The following FOXP1 variants were observed in gnomAD, a reference collection of about 807,000 sequenced individuals.
The protein encoded by FOXP1 is forkhead box protein P1.
A neutral mutation model predicts 98.2 loss-of-function variants in FOXP1; 15 were observed. The ratio of observed to expected loss-of-function variants is 0.15; its 90% CI spans 0.10 to 0.24. The LOEUF is 0.24. Ranked by LOEUF, FOXP1 falls within the 10% of genes least tolerant of loss-of-function variation. FOXP1 has a pLI of 1.00. For missense variants in FOXP1, 633 were observed against 848.5 expected, an observed-to-expected ratio of 0.75 and a Z score of 3.15; for synonymous variants, 371 against 314.5, an observed-to-expected ratio of 1.18 and a Z score of -1.90.
intron 3 of FOXP1, among the ~76,000 whole-genome samples, chr3:71,452,516 AT>A (rs1172751280): frequency 3.3e-5 from 5 of 152,126 alleles, no homozygotes; most frequent in Non-Finnish European, 7.4e-5. Flanking sequence ...ACATAATTTT[AT>A]TTTCTCTGGG....
chr3:71,545,505 T>A lies in FOXP1; in HGVS notation c.-298+36044A>T, dbSNP rs1026114722. Among the ~76,000 whole-genome samples the A allele has an allele frequency of 7.9e-5, 12 of 152,274 alleles. No homozygotes were observed. The South Asian group carries it at 2.1e-3, about 26-fold the overall frequency. ...ACACTTAGGGTAAATATTGATGGGG[T>A]TTTGTTTGTTTTTAAAAATACACAT... On this transcript the variant is annotated intron_variant, in intron 2 of 20. Transcript: ENST00000649528.
chr3:71,535,764 C>T (rs768673121), intron 2 of FOXP1, among the ~76,000 whole-genome samples: 3 of 152,120 alleles, frequency 2.0e-5, no homozygotes, highest in Admixed American at 1.3e-4. Flanking sequence ...TTAGAGAACT[C>T]TGTTCAGGCT....
intron 7 of FOXP1, among the ~76,000 whole-genome samples, chr3:71,061,788 TA>T (rs1347438138): frequency 6.6e-6 from 1 of 152,190 alleles, no homozygotes; most frequent in Non-Finnish European, 1.5e-5. Context: ...CATCTACAAC[TA>T]AACCACATAA....
At chr3:71,051,439 A>G (rs2049878769) in intron 9 of FOXP1, among the ~76,000 whole-genome samples, 1 of 152,104 alleles carries the variant, frequency 6.6e-6, no homozygotes, top group Non-Finnish European at 1.5e-5. Flanking sequence ...CAGCAAAGGG[A>G]GAATGTCTGG....
intron 7 of FOXP1, among the ~76,000 whole-genome samples, chr3:71,111,515 A>G (rs1002436677): frequency 2.0e-5 from 3 of 152,156 alleles, no homozygotes; most frequent in Non-Finnish European, 4.4e-5. Context: ...CTCCTGCCTC[A>G]GCCTCCCTAG....
intron 2 of FOXP1, among the ~76,000 whole-genome samples, chr3:71,511,229 G>T (rs970843134): frequency 6.6e-6 from 1 of 152,126 alleles, no homozygotes; most frequent in South Asian, 2.1e-4. Flanking sequence ...GCAGAGCCCC[G>T]GGACCCTGCT....
intron 7 of FOXP1, among the ~76,000 whole-genome samples, chr3:71,057,620 T>C (rs1433612613): frequency 4.6e-5 from 7 of 152,034 alleles, no homozygotes. Flanking sequence ...GGATCAGAAA[T>C]TCAAATTAAA....
intron 5 of FOXP1, among the ~76,000 whole-genome samples, chr3:71,278,963 G>A (rs182809496): frequency 1.5e-4 from 23 of 151,970 alleles, no homozygotes; most frequent in African/African-American, 3.6e-4. Context: ...AGGCCGAGGC[G>A]GGTGGATCAC....
rs544526269 is a variant in FOXP1, at chr3:71,130,813, C to T, written c.181-18176G>A. On this transcript the variant is annotated intron_variant, in intron 6 of 20. Transcript: ENST00000649528. ...TTCAAAGTTGAAAGATCAGTTGGAG[C>T]TTGCAGGTAATTTTCAAAGTTGCAT... 100 of 1,432,940 alleles carry T rather than the reference C, an allele frequency of 7.0e-5. 1 individual carries two copies. In the East Asian group the frequency reaches 2.2e-3, roughly 31 times the overall value. 88.8% of individuals were successfully genotyped at this position (1,432,940 alleles called of 1,614,324 possible). A position where few individuals can be genotyped will look rare whatever the true frequency, so the allele number is the denominator to read the frequency against.
chr3:71,240,271 G>A (rs544245314), intron 5 of FOXP1, among the ~76,000 whole-genome samples: 2 of 152,356 alleles, frequency 1.3e-5, no homozygotes, highest in African/African-American at 4.8e-5. Flanking sequence ...ATCCGTTCAC[G>A]ATGTAGAAGA....
intron 5 of FOXP1, among the ~76,000 whole-genome samples, chr3:71,267,331 T>A (rs1179780072): frequency 6.6e-6 from 1 of 151,912 alleles, no homozygotes. Flanking sequence ...ATTAGAAAAA[T>A]TTAAATAAGT....
chr3:71,273,724 G>A (rs1237388282), intron 5 of FOXP1, among the ~76,000 whole-genome samples: 1 of 152,126 alleles, frequency 6.6e-6, no homozygotes, highest in African/African-American at 2.4e-5. Flanking sequence ...ACTGGGGGGA[G>A]GGAGAGAAAT....
intron 2 of FOXP1, among the ~76,000 whole-genome samples, chr3:71,506,186 G>A (rs2041809654): frequency 6.6e-6 from 1 of 152,196 alleles, no homozygotes. Flanking sequence ...GTTCGCAGTT[G>A]GCTTCGGCAG....
rs936337574 is a variant in FOXP1, at chr3:71,106,269, C to A, written c.282+6267G>T. Among the ~76,000 whole-genome samples, 3 of 152,356 alleles carry A rather than the reference C, an allele frequency of 2.0e-5. No individual in the cohort carries two copies. The South Asian group carries it at 6.2e-4, about 32-fold the overall frequency. Reference sequence around the variant, plus strand: ...GATTACATATAAAATATTAGCATCACATTTGCATTGTAATTCTTAGATACA... The same window carrying A: ...GATTACATATAAAATATTAGCATCAAATTTGCATTGTAATTCTTAGATACA... On this transcript the variant is annotated intron_variant, in intron 7 of 20. Coordinates refer to ENST00000649528, the MANE Select transcript of FOXP1 (RefSeq NM_001349338.3).
intron 12 of FOXP1, among the ~76,000 whole-genome samples, chr3:71,005,337 A>AAAAAAC (rs2042655080): frequency 6.7e-6 from 1 of 149,402 alleles, no homozygotes; most frequent in Admixed American, 6.6e-5. Flanking sequence ...AAAAAAAAAA[A>AAAAAAC]AAAACCAGAA....
rs188854365 is a variant in FOXP1, at chr3:71,501,487, G to T, written c.-297-7932C>A. 4.3e-3 allele frequency among the ~76,000 whole-genome samples: 646 copies of T among 151,902 alleles called. 3 individuals are homozygous for T. The highest frequency in any genetic ancestry group is 0.014 in the African/African-American group (592 of 41,468). On this transcript the variant is annotated intron_variant, in intron 2 of 20. Coordinates refer to ENST00000649528, the MANE Select transcript of FOXP1 (RefSeq NM_001349338.3). ...TTTTTGTATTTTTAGTAGAAAGAGG[G>T]TTTCACCATGTTGGCCAGGATGGTC...
intron 3 of FOXP1, among the ~76,000 whole-genome samples, chr3:71,483,413 G>A (rs1372644446): frequency 6.6e-6 from 1 of 152,188 alleles, no homozygotes; most frequent in Non-Finnish European, 1.5e-5. Flanking sequence ...CAAAGGGCCG[G>A]TCCTCGCCAC....
In FOXP1 at chr3:71,180,970, G is replaced by T. The variant is rs555458064; in HGVS notation, c.180+17232C>A. Among the ~76,000 whole-genome samples the T allele has an allele frequency of 1.2e-3, 190 of 152,286 alleles. 1 individual carries two copies. Among genetic ancestry groups the T allele is most frequent in the South Asian group, 8.3e-4 (4 of 4,826 alleles). On this transcript the variant is annotated intron_variant, in intron 6 of 20. Coordinates refer to ENST00000649528, the MANE Select transcript of FOXP1 (RefSeq NM_001349338.3). Reference sequence around the variant, plus strand: ...GATATGTGTTTTCTTTTCTAAAATGGTAAATTGGGGCACTAATTGCCCACA... The same window carrying T: ...GATATGTGTTTTCTTTTCTAAAATGTTAAATTGGGGCACTAATTGCCCACA...
At chr3:71,145,814 C>A (rs906035866) in intron 6 of FOXP1, among the ~76,000 whole-genome samples, 3 of 152,074 alleles carry the variant, frequency 2.0e-5, no homozygotes, top group African/African-American at 7.2e-5. Flanking sequence ...TTGGTCAAGT[C>A]TCTTGCCTCT....
Sources: gnomAD v4.1 joint callset for allele counts (sites outside exome capture counted in the v4.1 genomes callset) on GRCh38, gnomAD v4.1.1 for gene constraint, MANE v1.5 for transcripts, NCBI Gene and HGNC (gene_info 2026-07-23, HGNC 2026-07-21) for gene names.